AOC1: variants seen among roughly 807,000 people sequenced by gnomAD.
AOC1 encodes the protein diamine oxidase [copper-containing].
AOC1 carries 58 observed loss-of-function variants against 57.1 expected under a neutral mutation model. That is an observed-to-expected ratio of 1.02 (90% confidence interval 0.82 to 1.26). The LOEUF (loss-of-function observed/expected upper bound fraction) is 1.26. AOC1 is among the 50% of genes most tolerant of loss of function. The pLI, the probability that AOC1 is intolerant of heterozygous loss-of-function variation, is 0.00. For missense variants in AOC1, 917 were observed against 1,005.3 expected, an observed-to-expected ratio of 0.91 and a Z score of 1.19; for synonymous variants, 401 against 423.4, an observed-to-expected ratio of 0.95 and a Z score of 0.65.
rs545648240 is a variant in AOC1 at position 150,857,628 on chromosome 7, C to A, written c.1158C>A (p.Ala386=). 2 of 1,614,052 alleles carry A rather than the reference C, an allele frequency of 1.2e-6. No individual in the cohort carries two copies. Among genetic ancestry groups the A allele is most frequent in the East Asian group, 4.5e-5 (2 of 44,874 alleles). The change falls in exon 2 of 5, where the codon GCC becomes GCA. Residue 386 remains alanine (A), a synonymous_variant. Coordinates refer to ENST00000360937, the MANE Select transcript of AOC1 (RefSeq NM_001091.4). The surrounding 1 kb of genome is among the most constrained non-coding windows in gnomAD (Gnocchi z 6.6). Reference sequence around the variant, plus strand: ...TGGGCAGCGTCACTCATGAGTTAGCCCCCGGCATCGACTGCCCGGAGACCG... The same window carrying A: ...TGGGCAGCGTCACTCATGAGTTAGCACCCGGCATCGACTGCCCGGAGACCG... ...WGLGSVTHEL[A]PGIDCPETAT...
In AOC1 at chr7:150,854,093, G is replaced by T. The variant is rs1027080750; in HGVS notation, c.-17+1535G>T. 2.0e-5 allele frequency: 3 copies of T among 152,292 alleles called. No homozygotes were observed. The East Asian group carries it at 5.8e-4, about 29-fold the overall frequency. The allele number at this position is 152,292 out of a possible 1,614,324, so 9.4% of individuals were successfully genotyped here. ...GCCAATATTTAATAGGAGAACACAA[G>T]AACTCACCTCATATCCTTCCTGCTG... On this transcript the variant is annotated intron_variant, in intron 1 of 4. Transcript: ENST00000360937.
At position 150,857,365 on chromosome 7, in the gene AOC1, G is replaced by C; in HGVS notation, c.895G>C (p.Gly299Arg). The C allele has an allele frequency of 6.2e-7, 1 of 1,606,778 alleles. No homozygotes were observed. Among genetic ancestry groups the C allele is most frequent in the Non-Finnish European group, 8.5e-7 (1 of 1,175,640 alleles). ...GDFPSPIHVS[G>R]PRLVQPHGPR... ...CTTCCCCAGCCCCATCCATGTGAGC[G>C]GCCCCCGCTTGGTCCAGCCCCACGG... The change falls in exon 2 of 5, where the codon GGC (glycine) becomes CGC (arginine). Residue 299 changes from glycine (G) to arginine (R), a missense_variant. By Grantham distance (125) the Gly-to-Arg change is moderately radical. Transcript: ENST00000360937. The surrounding 1 kb of genome is among the most constrained non-coding windows in gnomAD (Gnocchi z 6.6).
At chr7:150,854,860 G>C (rs531822794) in intron 1 of AOC1, among the ~76,000 whole-genome samples, 2 of 152,184 alleles carry the variant, frequency 1.3e-5, no homozygotes, top group East Asian at 3.9e-4. Flanking sequence ...TGAAATCCTC[G>C]GGGCCTCCCT....
chr7:150,856,355 G>A lies in AOC1; in HGVS notation c.-16-100G>A. The A allele has an allele frequency of 1.4e-6, 2 of 1,416,158 alleles. No homozygotes were observed. The highest frequency in any genetic ancestry group is 1.9e-6 in the Non-Finnish European group (2 of 1,066,700). 87.7% of individuals were successfully genotyped at this position (1,416,158 alleles called of 1,614,324 possible). A position where few individuals can be genotyped will look rare whatever the true frequency, so the allele number is the denominator to read the frequency against. On this transcript the variant is annotated intron_variant, in intron 1 of 4. Coordinates refer to ENST00000360937, the MANE Select transcript of AOC1 (RefSeq NM_001091.4). This position sits in a 1 kb window ranked among gnomAD's most constrained non-coding sequence, Gnocchi z 5.2. ...CCTCCAGCTTGGGGCAGGGCAAGGG[G>A]AGGAAGCTCAGTCCATGGGAAAATT... is the stretch of plus-strand genomic sequence containing the variant.
At chr7:150,854,595 G>A (rs1462795900) in intron 1 of AOC1, among the ~76,000 whole-genome samples, 1 of 152,170 alleles carries the variant, frequency 6.6e-6, no homozygotes, top group Non-Finnish European at 1.5e-5. Context: ...GGGTGGGAAG[G>A]GACAATGTGC....
In AOC1 at chr7:150,861,095, G is replaced by T. The variant is rs950033109; in HGVS notation, c.2142G>T (p.Val714=). ...EDPSLASRDT[V]IVWPRDNGPN... ...CCTCCCTGGCATCCAGAGACACTGT[G>T]ATCGTGTGGCCTCGGGACAACGGCC... Residue 714 remains valine (V), a synonymous_variant, in exon 5 of 5, where the codon GTG becomes GTT. Coordinates refer to ENST00000360937, the MANE Select transcript of AOC1 (RefSeq NM_001091.4). The surrounding 1 kb of genome is among the most constrained non-coding windows in gnomAD (Gnocchi z 4.5). The T allele has an allele frequency of 9.3e-6, 15 of 1,614,044 alleles. 1 individual carries two copies. Among genetic ancestry groups the T allele is most frequent in the Non-Finnish European group, 1.3e-5 (15 of 1,180,016 alleles).
In AOC1 at chr7:150,860,985, C is replaced by A. The variant is rs930267818; in HGVS notation, c.2032C>A (p.His678Asn). The A allele has an allele frequency of 4.3e-6, 7 of 1,613,718 alleles. No homozygotes were observed. The South Asian group carries it at 5.5e-5, about 13-fold the overall frequency. Residue 678 changes from histidine (H) to asparagine (N), a missense_variant, in exon 5 of 5, where the codon CAC (histidine) becomes AAC (asparagine). Physicochemically the swap from His to Asn is moderately conservative, Grantham distance 68 (BLOSUM62 1). Coordinates refer to ENST00000360937, the MANE Select transcript of AOC1 (RefSeq NM_001091.4). ...GACGGTGGGCTTCCTGCACATCCCC[C>A]ACTCAGAGGACATTCCCAACACAGC... ...WVTVGFLHIP[H>N]SEDIPNTATP...
At position 150,857,276 on chromosome 7, in the gene AOC1, G is replaced by A. The variant is rs1215044847; in HGVS notation, c.806G>A (p.Gly269Glu). The change falls in exon 2 of 5, where the codon GGG becomes GAG. Residue 269 changes from glycine to glutamate, a missense_variant. Physicochemically the swap from Gly to Glu is moderately conservative, Grantham distance 98 (BLOSUM62 -2). Transcript: ENST00000360937. This position sits in a 1 kb window ranked among gnomAD's most constrained non-coding sequence, Gnocchi z 6.6. ...GTGGTCCTGGAGGACCCGCTGCCTG[G>A]GGGCAAGGGGCATGACAGCACAGAG... The part of the protein sequence containing the change: ...DVVVLEDPLP[G>E]GKGHDSTEEP... The A allele has an allele frequency of 6.2e-6, 10 of 1,607,928 alleles. No individual in the cohort carries two copies. The highest frequency in any genetic ancestry group is 8.5e-6 in the Non-Finnish European group (10 of 1,176,958).
chr7:150,858,023 T>A lies in AOC1; in HGVS notation c.1553T>A (p.Val518Glu), dbSNP rs765726915. 6.6e-7 allele frequency: 1 copy of A among 1,523,472 alleles called. No homozygotes were observed. Among genetic ancestry groups the A allele is most frequent in the South Asian group, 1.3e-5 (1 of 78,246 alleles). The allele number at this position is 1,523,472 out of a possible 1,614,324, so 94.4% of individuals were successfully genotyped here. A position where few individuals can be genotyped will look rare whatever the true frequency, so the allele number is the denominator to read the frequency against. The part of the protein sequence containing the change: ...NIHTHLVHYR[V>E]DLDVAGTKNS... Reference sequence around the variant, plus strand: ...CACACTCACTTGGTGCACTACCGCGTAGACCTGGATGTGGCAGGTAGGACT... The same window carrying A: ...CACACTCACTTGGTGCACTACCGCGAAGACCTGGATGTGGCAGGTAGGACT... Residue 518 changes from valine to glutamate, a missense_variant, in exon 2 of 5, where the codon GTA (valine) becomes GAA (glutamate). By Grantham distance (121) the Val-to-Glu change is moderately radical. Coordinates refer to ENST00000360937, the MANE Select transcript of AOC1 (RefSeq NM_001091.4).
chr7:150,861,052 A>G lies in AOC1; in HGVS notation c.2099A>G (p.Asn700Ser). The change falls in exon 5 of 5, where the codon AAC becomes AGC. Residue 700 changes from asparagine (N) to serine (S), a missense_variant. Transcript: ENST00000360937. The surrounding 1 kb of genome is among the most constrained non-coding windows in gnomAD (Gnocchi z 4.5). The stretch of plus-strand genomic sequence containing the variant: ...GTGGGCTTCCTGCTCCGGCCATTCA[A>G]CTTCTTCCCAGAGGACCCCTCCCTG... Reference protein sequence around the residue: ...NSVGFLLRPFNFFPEDPSLAS... With the variant: ...NSVGFLLRPFSFFPEDPSLAS... 1.2e-6 allele frequency: 2 copies of G among 1,614,022 alleles called. No homozygotes were observed. Among genetic ancestry groups the G allele is most frequent in the South Asian group, 1.1e-5 (1 of 91,074 alleles).
chr7:150,861,308 T>A lies in AOC1; in HGVS notation c.*99T>A. 7.3e-7 allele frequency: 1 copy of A among 1,379,058 alleles called. No individual in the cohort carries two copies. The highest frequency in any genetic ancestry group is 9.7e-7 in the Non-Finnish European group (1 of 1,031,276). 85.4% of individuals were successfully genotyped at this position (1,379,058 alleles called of 1,614,324 possible). A position where few individuals can be genotyped will look rare whatever the true frequency, so the allele number is the denominator to read the frequency against. ...GAGCCTCGCTCTGTGTGCTGCTTCT[T>A]GCGGGGAGGCACAGGGCCATGTGTG... On this transcript the variant is annotated 3_prime_UTR_variant, in exon 5 of 5. Transcript: ENST00000360937. This position sits in a 1 kb window ranked among gnomAD's most constrained non-coding sequence, Gnocchi z 4.5.
In AOC1 at chr7:150,856,538, C is replaced by T. The variant is rs201476675; in HGVS notation, c.68C>T (p.Pro23Leu). The change falls in exon 2 of 5, where the codon CCG becomes CTG. Residue 23 changes from proline to leucine, a missense_variant. Transcript: ENST00000360937. The surrounding 1 kb of genome is among the most constrained non-coding windows in gnomAD (Gnocchi z 5.2). ...MLQTAMAEPSPGTLPRKAGVF... is the reference protein window; with the variant it reads ...MLQTAMAEPSLGTLPRKAGVF... The stretch of plus-strand genomic sequence containing the variant: ...CAGACGGCCATGGCGGAGCCCTCCC[C>T]GGGGACTCTGCCCAGGAAGGCAGGG... The T allele has an allele frequency of 2.8e-4, 449 of 1,613,974 alleles. 2 individuals carry two copies. Among genetic ancestry groups the T allele is most frequent in the Non-Finnish European group, 3.5e-4 (412 of 1,179,992 alleles).
At position 150,858,012 on chromosome 7, in the gene AOC1, G is replaced by T. The variant is rs1187408626; in HGVS notation, c.1542G>T (p.Val514=). The change falls in exon 2 of 5, where the codon GTG becomes GTT. Residue 514 remains valine (V), a synonymous_variant. Coordinates refer to ENST00000360937, the MANE Select transcript of AOC1 (RefSeq NM_001091.4). ...HLIGNIHTHL[V]HYRVDLDVAG... ...TTGGCAACATACACACTCACTTGGT[G>T]CACTACCGCGTAGACCTGGATGTGG... 2.6e-6 allele frequency: 4 copies of T among 1,552,738 alleles called. No individual in the cohort carries two copies. The highest frequency in any genetic ancestry group is 3.5e-6 in the Non-Finnish European group (4 of 1,154,446).
chr7:150,856,541 G>C lies in AOC1; in HGVS notation c.71G>C (p.Gly24Ala). 6.2e-7 allele frequency: 1 copy of C among 1,614,116 alleles called. No individual in the cohort carries two copies. Among genetic ancestry groups the C allele is most frequent in the Non-Finnish European group, 8.5e-7 (1 of 1,179,994 alleles). The change falls in exon 2 of 5, where the codon GGG becomes GCG. Residue 24 changes from glycine to alanine, a missense_variant. By Grantham distance (60) the Gly-to-Ala change is moderately conservative. Coordinates refer to ENST00000360937, the MANE Select transcript of AOC1 (RefSeq NM_001091.4). This position sits in a 1 kb window ranked among gnomAD's most constrained non-coding sequence, Gnocchi z 5.2. ...ACGGCCATGGCGGAGCCCTCCCCGG[G>C]GACTCTGCCCAGGAAGGCAGGGGTG... ...LQTAMAEPSP[G>A]TLPRKAGVFS...
chr7:150,853,918 A>G (rs906028867), intron 1 of AOC1: 1 of 152,150 alleles, frequency 6.6e-6, no homozygotes, highest in Admixed American at 6.6e-5. Context: ...ACTATTCCAG[A>G]GGCTGAGGCA....
At position 150,857,664 on chromosome 7, in the gene AOC1, G is replaced by A; in HGVS notation, c.1194G>A (p.Leu398=). ...GIDCPETATF[L]DTFHYYDADD... is the part of the protein sequence containing the mutation. ...ACTGCCCGGAGACCGCCACCTTCCTGGACACTTTCCACTACTATGATGCCG... is the reference window on the plus strand; with the variant it reads ...ACTGCCCGGAGACCGCCACCTTCCTAGACACTTTCCACTACTATGATGCCG... Residue 398 remains leucine, a synonymous_variant, in exon 2 of 5, where the codon CTG becomes CTA. Transcript: ENST00000360937. This position sits in a 1 kb window ranked among gnomAD's most constrained non-coding sequence, Gnocchi z 6.6. The A allele has an allele frequency of 6.2e-7, 1 of 1,614,110 alleles. No homozygotes were observed. The highest frequency in any genetic ancestry group is 8.5e-7 in the Non-Finnish European group (1 of 1,179,988).
At chr7:150,858,716 G>A in intron 2 of AOC1, 47 bp from the exon 3 acceptor site, 1 of 1,547,598 alleles carries the variant, frequency 6.5e-7, no homozygotes, top group East Asian at 2.3e-5. Flanking sequence ...GGAGGTTTCA[G>A]TTCTGGCAGC....
intron 3 of AOC1, 126 bp downstream of exon 3, chr7:150,859,174 A>G: frequency 2.1e-5 from 24 of 1,116,286 alleles, no homozygotes; most frequent in Non-Finnish European, 2.7e-5. Context: ...ACGTATGTGT[A>G]TATCTGTGTG....
rs1044453363 is a variant in AOC1, at chr7:150,854,258, A to C, written c.-17+1700A>C. On this transcript the variant is annotated intron_variant, in intron 1 of 4. Transcript: ENST00000360937. ...ACAAGGCAACTAGAGGGACATCCCC[A>C]TGAGAGGCCATGACCATGGAGCAAA... 3.9e-5 allele frequency: 6 copies of C among 152,222 alleles called. No homozygotes were observed. In the East Asian group the frequency reaches 1.2e-3, roughly 29 times the overall value. The allele number at this position is 152,222 out of a possible 1,614,324, so 9.4% of individuals were successfully genotyped here.
Sources: allele counts gnomAD v4.1 joint callset (sites outside exome capture counted in the v4.1 genomes callset), GRCh38; gene constraint gnomAD v4.1.1; non-coding constraint Gnocchi (gnomAD v3.1); transcripts MANE v1.5; gene names NCBI Gene and HGNC (gene_info 2026-07-23, HGNC 2026-07-21).